The following DNAAF9 variants were observed in gnomAD, a reference collection of about 807,000 sequenced individuals.
The protein encoded by DNAAF9 is dynein axonemal assembly factor 9.
Under a neutral mutation model 167.0 loss-of-function variants are expected in DNAAF9, and 90 were observed. The ratio of observed to expected loss-of-function variants is 0.54; its 90% CI spans 0.45 to 0.64. The LOEUF is 0.64. Among genes scored for constraint, DNAAF9 ranks in the 30% least tolerant of loss-of-function variants. DNAAF9 has a pLI of 0.00. For missense variants in DNAAF9, 1,315 were observed against 1,442.2 expected, an observed-to-expected ratio of 0.91 and a Z score of 1.43; for synonymous variants, 491 against 508.8, an observed-to-expected ratio of 0.96 and a Z score of 0.47.
At chr20:3,322,988 A>C (rs2069643384) in intron 14 of DNAAF9, among the ~76,000 whole-genome samples, 1 of 152,010 alleles carries the variant, frequency 6.6e-6, no homozygotes, top group African/African-American at 2.4e-5. Flanking sequence ...TGCTCACTGC[A>C]GACTGAGAAT....
intron 11 of DNAAF9, among the ~76,000 whole-genome samples, chr20:3,331,926 G>C (rs575770787): frequency 6.9e-4 from 105 of 152,250 alleles, no homozygotes; most frequent in Admixed American, 4.3e-3. Context: ...TGCCTGCCTG[G>C]GCCTCCCAAA....
Position 3,281,561 on chromosome 20 carries a change from C to T in DNAAF9, c.2612+80G>A, listed in dbSNP as rs982851640. On this transcript the variant is annotated intron_variant, in intron 28 of 36. Transcript: ENST00000252032. Reference sequence around the variant, plus strand: ...TTTACTACATACAAGGTGACTAATGCATTCCAAAAGATCTGTCTTCTTCTG... The same window carrying T: ...TTTACTACATACAAGGTGACTAATGTATTCCAAAAGATCTGTCTTCTTCTG... 9.6e-6 allele frequency: 13 copies of T among 1,350,994 alleles called. No homozygotes were observed. In the South Asian group the frequency reaches 1.9e-4, roughly 20 times the overall value. 83.7% of individuals were successfully genotyped at this position (1,350,994 alleles called of 1,614,324 possible).
chr20:3,375,149 A>G (rs541557685), intron 4 of DNAAF9, 23 bp from the exon 5 acceptor site: 1 of 1,376,472 alleles, frequency 7.3e-7, no homozygotes, highest in Admixed American at 1.7e-5. Flanking sequence ...ATCAAAAGAA[A>G]AATAAGCTCT....
chr20:3,358,533 C>T (rs2083319094), intron 7 of DNAAF9, among the ~76,000 whole-genome samples: 2 of 152,200 alleles, frequency 1.3e-5, no homozygotes, highest in African/African-American at 2.4e-5. Context: ...ATCCACCTGC[C>T]TCAGCCTCCT....
chr20:3,353,968 C>T (rs1054859437), intron 7 of DNAAF9, among the ~76,000 whole-genome samples: 5 of 152,174 alleles, frequency 3.3e-5, no homozygotes, highest in Non-Finnish European at 7.3e-5. Flanking sequence ...TAGCTCCATG[C>T]ACATTCTATT....
intron 3 of DNAAF9, among the ~76,000 whole-genome samples, chr20:3,376,629 A>C (rs1234225241): frequency 6.6e-6 from 1 of 152,232 alleles, no homozygotes; most frequent in African/African-American, 2.4e-5. Context: ...AGCAGACATC[A>C]ACCAACACAT....
intron 21 of DNAAF9, among the ~76,000 whole-genome samples, chr20:3,299,655 T>C (rs1243206677): frequency 6.6e-6 from 1 of 152,222 alleles, no homozygotes; most frequent in Non-Finnish European, 1.5e-5. Context: ...TGACATTGAA[T>C]GGTTCTGGCA....
At chr20:3,349,233 C>T (rs1009311124) in intron 7 of DNAAF9, among the ~76,000 whole-genome samples, 1 of 123,580 alleles carries the variant, frequency 8.1e-6, no homozygotes. Flanking sequence ...ATGAAAAAAA[C>T]GAGCTGAGCT....
intron 1 of DNAAF9, among the ~76,000 whole-genome samples, chr20:3,394,338 CAA>C (rs11479398): frequency 4.9e-4 from 47 of 95,572 alleles, no homozygotes; most frequent in Middle Eastern, 7.8e-3. Flanking sequence ...AACTCCGTCT[CAA>C]AAAAAAAAAA....
intron 6 of DNAAF9, among the ~76,000 whole-genome samples, chr20:3,365,402 T>C (rs1265361508): frequency 6.6e-6 from 1 of 151,796 alleles, no homozygotes; most frequent in Non-Finnish European, 1.5e-5. Context: ...TATTTATTTA[T>C]TTATTTTTAG....
chr20:3,256,234 T>A (rs1555783456), intron 33 of DNAAF9, 23 bp from the exon 34 acceptor site: 1 of 1,538,898 alleles, frequency 6.5e-7, no homozygotes, highest in South Asian at 1.1e-5. Flanking sequence ...TACACATTAG[T>A]CCCTGAGAGC....
rs574701256 is a variant in DNAAF9, at chr20:3,405,680, T to C, written c.83+1795A>G. 1.0e-3 allele frequency among the ~76,000 whole-genome samples: 153 copies of C among 152,246 alleles called. 1 individual carries two copies. Among genetic ancestry groups the C allele is most frequent in the Non-Finnish European group, 1.9e-3 (128 of 67,996 alleles). ...CATAGAATCACTACCTTTAAAAGAATAAATAAAAAGCACATGGCCATGCTA... is the reference window on the plus strand; with the variant it reads ...CATAGAATCACTACCTTTAAAAGAACAAATAAAAAGCACATGGCCATGCTA... On this transcript the variant is annotated intron_variant, in intron 1 of 36. Coordinates refer to ENST00000252032, the MANE Select transcript of DNAAF9 (RefSeq NM_001009984.3).
rs1281018163 is a variant in DNAAF9 at position 3,322,229 on chromosome 20, G to A, written c.1344C>T (p.Ser448=). Residue 448 remains serine, a synonymous_variant, in exon 16 of 37, where the codon TCC becomes TCT. Coordinates refer to ENST00000252032, the MANE Select transcript of DNAAF9 (RefSeq NM_001009984.3). The stretch of plus-strand genomic sequence containing the variant: ...TAGCTCTGCTTACCGTCTTCACAAA[G>A]GATAAGCTATCTTCACTGTCCAGCG... The part of the protein sequence containing the change: ...IVPLDSEDSL[S]FVKTACMAVY... 2.5e-6 allele frequency: 4 copies of A among 1,610,036 alleles called. 1 individual carries two copies. In the East Asian group the frequency reaches 6.7e-5, roughly 27 times the overall value.
chr20:3,368,747 T>A (rs193100783), intron 6 of DNAAF9, among the ~76,000 whole-genome samples: 2 of 152,086 alleles, frequency 1.3e-5, no homozygotes, highest in Admixed American at 1.3e-4. Flanking sequence ...CTCGATCTCC[T>A]GACCTCGTGA....
intron 7 of DNAAF9, among the ~76,000 whole-genome samples, chr20:3,352,689 A>T (rs2123151719): frequency 6.6e-6 from 1 of 152,288 alleles, no homozygotes; most frequent in South Asian, 2.1e-4. Context: ...AATTAAGTGA[A>T]ATAACCTGTA....
At chr20:3,399,671 G>A (rs2083957529) in intron 1 of DNAAF9, among the ~76,000 whole-genome samples, 1 of 152,126 alleles carries the variant, frequency 6.6e-6, no homozygotes, top group South Asian at 2.1e-4. Flanking sequence ...AACCCCTTCT[G>A]TTTCCCTTTC....
intron 1 of DNAAF9, among the ~76,000 whole-genome samples, chr20:3,389,169 C>T (rs2083790841): frequency 6.6e-6 from 1 of 151,884 alleles, no homozygotes; most frequent in Non-Finnish European, 1.5e-5. Context: ...TGAGGTTTCA[C>T]AGGTCTCACT....
chr20:3,328,088 T>C (rs1302031426), intron 12 of DNAAF9, among the ~76,000 whole-genome samples: 1 of 152,158 alleles, frequency 6.6e-6, no homozygotes, highest in Non-Finnish European at 1.5e-5. Context: ...GCCTTCCCCT[T>C]GCTTGGTCTT....
At chr20:3,337,862 T>C (rs2069993313) in intron 10 of DNAAF9, among the ~76,000 whole-genome samples, 1 of 151,818 alleles carries the variant, frequency 6.6e-6, no homozygotes, top group Non-Finnish European at 1.5e-5. Flanking sequence ...ATTAGAGAGT[T>C]ATCTTTTAGA....
Sources: allele counts gnomAD v4.1 joint callset (sites outside exome capture counted in the v4.1 genomes callset), GRCh38; gene constraint gnomAD v4.1.1; transcripts MANE v1.5; gene names NCBI Gene and HGNC (gene_info 2026-07-23, HGNC 2026-07-21).